Variants in TPPP observed in about 807,000 individuals in gnomAD.
TPPP encodes tubulin polymerization promoting protein.
In TPPP, 6 loss-of-function variants were observed where a neutral mutation model predicts 15.5. The ratio of observed to expected loss-of-function variants is 0.39; its 90% CI spans 0.21 to 0.77. TPPP has a LOEUF of 0.77. Ranked by LOEUF, TPPP falls within the 30% of genes least tolerant of loss-of-function variation. The pLI, the probability that TPPP is intolerant of heterozygous loss-of-function variation, is 0.42. For synonymous variants in TPPP, 146 were observed against 133.9 expected (o/e 1.09, Z -0.63); for missense variants, 269 against 307.2 (o/e 0.88, Z 0.93).
At chr5:672,892 A>T (rs1479498175) in intron 2 of TPPP, among the ~76,000 whole-genome samples, 1 of 152,270 alleles carries the variant, frequency 6.6e-6, no homozygotes, top group Non-Finnish European at 1.5e-5. Flanking sequence ...TTTAACACAT[A>T]GTAACATCAA....
rs1309917755 is a variant in TPPP, at chr5:688,597, A to G, written c.-5+4681T>C. On this transcript the variant is annotated intron_variant, in intron 1 of 3. Transcript: ENST00000360578. Reference sequence around the variant, plus strand: ...CGGCTGGCACTAGAACTGCAGGTGGACTGTGCCAGGTGCCAGGTGGGGCCC... The same window carrying G: ...CGGCTGGCACTAGAACTGCAGGTGGGCTGTGCCAGGTGCCAGGTGGGGCCC... Among the ~76,000 whole-genome samples, 295 of 151,732 alleles carry G rather than the reference A, an allele frequency of 1.9e-3. 2 individuals carry two copies. Among genetic ancestry groups the G allele is most frequent in the Admixed American group, 0.015 (220 of 15,070 alleles).
In TPPP at chr5:684,963, C is replaced by T. The variant is rs1035057664; in HGVS notation, c.-4-6899G>A. On this transcript the variant is annotated intron_variant, in intron 1 of 3. Transcript: ENST00000360578. The stretch of plus-strand genomic sequence containing the variant: ...TCCCCACGGCACACTCGGGAGCACA[C>T]CCCACCCAGAGGCCAGACAGGTGCA... Among the ~76,000 whole-genome samples the T allele has an allele frequency of 7.9e-5, 12 of 152,192 alleles. 1 individual carries two copies. Among genetic ancestry groups the T allele is most frequent in the Admixed American group, 1.3e-4 (2 of 15,288 alleles).
chr5:677,204 G>C (rs954209449), intron 2 of TPPP, among the ~76,000 whole-genome samples: 12 of 152,240 alleles, frequency 7.9e-5, no homozygotes, highest in South Asian at 6.2e-4. Flanking sequence ...CAGCACAAAG[G>C]CTTTGGGAGG....
chr5:685,920 T>G (rs1378874215), intron 1 of TPPP, among the ~76,000 whole-genome samples: 1 of 152,118 alleles, frequency 6.6e-6, no homozygotes, highest in Non-Finnish European at 1.5e-5. Context: ...CAGAGCACTA[T>G]GGCTGAGTAT....
chr5:665,217 G>A lies in TPPP; in HGVS notation c.545C>T (p.Pro182Leu), dbSNP rs534292159. 6.2e-7 allele frequency: 1 copy of A among 1,613,874 alleles called. No individual in the cohort carries two copies. Among genetic ancestry groups the A allele is most frequent in the South Asian group, 1.1e-5 (1 of 91,084 alleles). ...FTGSHKERFDPSGKGKGKAGR... is the reference protein window; with the variant it reads ...FTGSHKERFDLSGKGKGKAGR... ...AGCCTTGCCCTTGCCCTTGCCAGAG[G>A]GGTCGAAGCGCTCCTTGTGGGAGCC... Residue 182 changes from proline (P) to leucine (L), a missense_variant, in exon 4 of 4, where the codon CCC becomes CTC. Transcript: ENST00000360578.
At chr5:674,441 C>G (rs995273077) in intron 2 of TPPP, among the ~76,000 whole-genome samples, 2 of 151,028 alleles carry the variant, frequency 1.3e-5, no homozygotes, top group East Asian at 1.9e-4. Flanking sequence ...GCGAACCCCA[C>G]CTGCTTCTGC....
Position 666,072 on chromosome 5 carries a change from C to T in TPPP, c.363G>A (p.Glu121=). 1 of 1,612,444 alleles carries T rather than the reference C, an allele frequency of 6.2e-7. No individual in the cohort carries two copies. The highest frequency in any genetic ancestry group is 8.5e-7 in the Non-Finnish European group (1 of 1,179,842). ...ITFEQFQEAL[E]ELAKKRFKDK... ...CTTTGAATCGCTTCTTGGCGAGCTC[C>T]TCCAGCGCCTCCTGGAACTGCTCAA... Residue 121 remains glutamate (E), a synonymous_variant, in exon 3 of 4, where the codon GAG becomes GAA. Transcript: ENST00000360578.
At chr5:670,931 C>T (rs896763506) in intron 2 of TPPP, among the ~76,000 whole-genome samples, 2 of 152,218 alleles carry the variant, frequency 1.3e-5, no homozygotes, top group African/African-American at 2.4e-5. Context: ...CTCAGGAAAC[C>T]GGAGCCCTTC....
At chr5:669,805 C>T (rs1740137932) in intron 2 of TPPP, among the ~76,000 whole-genome samples, 1 of 152,042 alleles carries the variant, frequency 6.6e-6, no homozygotes, top group Non-Finnish European at 1.5e-5. Context: ...GACCCGGGTG[C>T]CCCCCGCCTG....
chr5:685,438 C>T (rs958086164), intron 1 of TPPP, among the ~76,000 whole-genome samples: 1 of 152,208 alleles, frequency 6.6e-6, no homozygotes, highest in Non-Finnish European at 1.5e-5. Context: ...CTCGGGACCC[C>T]TGCCACTCAC....
intron 1 of TPPP, among the ~76,000 whole-genome samples, chr5:685,323 G>A (rs451280): frequency 0.48 from 72,714 of 152,128 alleles, 18,335 homozygotes; most frequent in South Asian, 0.57. Flanking sequence ...CCAAGGAAGT[G>A]GGAGGAGGAG....
intron 1 of TPPP, among the ~76,000 whole-genome samples, chr5:680,347 C>T (rs1270050702): frequency 1.2e-5 from 1 of 80,278 alleles, no homozygotes; most frequent in Non-Finnish European, 2.2e-5. Flanking sequence ...ATGCTTCAGG[C>T]TGGGACTTGG....
chr5:686,494 C>G (rs1740770690), intron 1 of TPPP, among the ~76,000 whole-genome samples: 1 of 150,954 alleles, frequency 6.6e-6, no homozygotes, highest in Non-Finnish European at 1.5e-5. Flanking sequence ...CTGCCCCGCC[C>G]CAGCCCACTC....
chr5:698,608 T>G, the TPPP span, among the ~76,000 whole-genome samples: 219 of 151,998 alleles, frequency 1.4e-3, 1 homozygote, highest in African/African-American at 5.1e-3. Flanking sequence ...TTTCCCCTTA[T>G]AAAACCATCA....
intron 1 of TPPP, among the ~76,000 whole-genome samples, chr5:692,034 CT>C (rs1461498103): frequency 3.0e-5 from 4 of 132,532 alleles, no homozygotes; most frequent in Non-Finnish European, 6.6e-5. Context: ...CTCCCAACCC[CT>C]ATCAAAACAG....
rs1258533073 is a variant in TPPP at position 675,520 on chromosome 5, G to C, written c.311+2230C>G. On this transcript the variant is annotated intron_variant, in intron 2 of 3. Coordinates refer to ENST00000360578, the MANE Select transcript of TPPP (RefSeq NM_007030.3). ...GGCCGGGGCTGCAGTGTGACCAGGG[G>C]TGCAGTGTGGCCGGGGATGCCGTGT... 5.3e-3 allele frequency among the ~76,000 whole-genome samples: 541 copies of C among 101,412 alleles called. 19 individuals are homozygous for C. The highest frequency in any genetic ancestry group is 0.022 in the African/African-American group (512 of 23,666). 66.5% of individuals were successfully genotyped at this position (101,412 alleles called of 152,430 possible).
chr5:682,759 G>C (rs1271696510), intron 1 of TPPP, among the ~76,000 whole-genome samples: 1 of 152,210 alleles, frequency 6.6e-6, no homozygotes, highest in African/African-American at 2.4e-5. Context: ...CCACGCGGGG[G>C]TGGCGCCGAC....
At chr5:685,836 C>A (rs1002829607) in intron 1 of TPPP, among the ~76,000 whole-genome samples, 1 of 152,152 alleles carries the variant, frequency 6.6e-6, no homozygotes, top group African/African-American at 2.4e-5. Context: ...CCAGGCCACA[C>A]GGCAGATCCC....
At chr5:699,620 G>C in the TPPP span, among the ~76,000 whole-genome samples, 3 of 151,890 alleles carry the variant, frequency 2.0e-5, no homozygotes, top group African/African-American at 7.2e-5. Flanking sequence ...TAGACAAATG[G>C]AACTTAAACT....
Sources: allele counts gnomAD v4.1 joint callset (sites outside exome capture counted in the v4.1 genomes callset), GRCh38; gene constraint gnomAD v4.1.1; transcripts MANE v1.5; gene names NCBI Gene and HGNC (gene_info 2026-07-23, HGNC 2026-07-21).